The following ELN variants were observed in gnomAD, a reference collection of about 807,000 sequenced individuals.
ELN encodes elastin.
Under a neutral mutation model 105.8 loss-of-function variants are expected in ELN, and 65 were observed. That is an observed-to-expected ratio of 0.61 (90% CI 0.50 to 0.75). The LOEUF (loss-of-function observed/expected upper bound fraction) is 0.75, where lower values mean the gene tolerates loss of function less well. Among genes scored for constraint, ELN ranks in the 30% least tolerant of loss-of-function variants. The pLI, the probability that ELN is intolerant of heterozygous loss-of-function variation, is 0.00. For missense variants in ELN, 882 were observed against 969.4 expected (o/e 0.91, Z 1.20); for synonymous variants, 368 against 389.2 (o/e 0.95, Z 0.64).
chr7:74,056,978 C>T (rs1460693261), intron 21 of ELN, among the ~76,000 whole-genome samples: 1 of 152,096 alleles, frequency 6.6e-6, no homozygotes, highest in African/African-American at 2.4e-5. Flanking sequence ...TGGCTGATGC[C>T]TGTAATCCCA....
intron 22 of ELN, 82 bp from the exon 23 acceptor site, chr7:74,059,804 C>T (rs993292032): frequency 4.9e-6 from 4 of 820,306 alleles, no homozygotes; most frequent in African/African-American, 1.7e-5. Context: ...ATGCCAGGGC[C>T]GAGGCTCCAG....
chr7:74,061,693 G>C (rs782253297), intron 26 of ELN, among the ~76,000 whole-genome samples: 3 of 152,040 alleles, frequency 2.0e-5, no homozygotes, highest in Non-Finnish European at 2.9e-5. Flanking sequence ...CAGTTTCTAG[G>C]ACACGTTTAT....
chr7:74,056,234 T>C (rs782536960), intron 19 of ELN, 37 bp from the exon 20 acceptor site: 5 of 1,610,970 alleles, frequency 3.1e-6, no homozygotes, highest in Non-Finnish European at 4.2e-6. Context: ...CCTCTCTCAC[T>C]GAGCTTCTTT....
chr7:74,036,882 G>A (rs1389251360), intron 3 of ELN, among the ~76,000 whole-genome samples: 6 of 152,102 alleles, frequency 3.9e-5, no homozygotes, highest in Non-Finnish European at 7.4e-5. Flanking sequence ...GTGCAGTGGC[G>A]TGATCTCAGC....
chr7:74,049,354 CCATCCATCCACG>C (rs1490165745), intron 15 of ELN, among the ~76,000 whole-genome samples: 1 of 151,458 alleles, frequency 6.6e-6, no homozygotes, highest in Non-Finnish European at 1.5e-5. Flanking sequence ...ATTCTTCCAT[CCATCCATCCACG>C]CATCCATCCA....
chr7:74,036,606 G>A (rs782331687), intron 3 of ELN, 22 bp downstream of exon 3: 25 of 1,614,098 alleles, frequency 1.5e-5, no homozygotes, highest in Non-Finnish European at 2.0e-5. Flanking sequence ...AACCACACTT[G>A]TTCATCACTG....
Position 74,061,116 on chromosome 7 carries a change from C to T in ELN, c.1763C>T (p.Ala588Val). ...PGFGAVPGAL[A>V]AAKAAKYGAA... ...TTCTCCCCAGTACCTGGAGCCCTGG[C>T]TGCCGCTAAAGCAGCCAAATATGGT... Residue 588 changes from alanine to valine, a missense_variant, in exon 26 of 33, where the codon GCT becomes GTT. Coordinates refer to ENST00000252034, the MANE Select transcript of ELN (RefSeq NM_000501.4). The T allele has an allele frequency of 6.2e-7, 1 of 1,614,132 alleles. No homozygotes were observed.
At chr7:74,028,466 G>C (rs1787931528) in intron 1 of ELN, among the ~76,000 whole-genome samples, 197 bp downstream of exon 1, 1 of 152,216 alleles carries the variant, frequency 6.6e-6, no homozygotes, top group African/African-American at 2.4e-5. Context: ...CTGTCAAAGA[G>C]ACACCCTCGA....
chr7:74,062,196 G>T (rs1273129771), intron 26 of ELN: 1 of 152,384 alleles, frequency 6.6e-6, no homozygotes, highest in Non-Finnish European at 1.5e-5. Context: ...GGTCCACTTG[G>T]GGCCAGTTTC....
chr7:74,060,557 C>T lies in ELN; in HGVS notation c.1747+56C>T, dbSNP rs782702846. On this transcript the variant is annotated intron_variant, in intron 25 of 32. Transcript: ENST00000252034. ...CCCCTGAGCTCAGGGAAGGAGATCC[C>T]TCCTCCTCTCAGCACCTCCCCAGCA... 1.9e-6 allele frequency: 3 copies of T among 1,613,494 alleles called. No homozygotes were observed. The highest frequency in any genetic ancestry group is 1.7e-6 in the Non-Finnish European group (2 of 1,179,710).
chr7:74,047,629 A>G (rs1457184091), intron 12 of ELN, 46 bp from the exon 13 acceptor site: 1 of 1,613,970 alleles, frequency 6.2e-7, no homozygotes, highest in Non-Finnish European at 8.5e-7. Flanking sequence ...GTGGGAGCCC[A>G]GCAAGGCATG....
chr7:74,052,869 G>T, intron 17 of ELN: 1 of 443,482 alleles, frequency 2.3e-6, no homozygotes, highest in Non-Finnish European at 4.1e-6. Context: ...GAGAAAGAAA[G>T]AAAGAGAGAG....
intron 3 of ELN, among the ~76,000 whole-genome samples, chr7:74,037,270 T>G (rs1007083828): frequency 6.6e-4 from 101 of 151,966 alleles, no homozygotes; most frequent in Admixed American, 6.6e-3. Flanking sequence ...CTCAGCTCAC[T>G]GTAACCTCCA....
chr7:74,044,938 C>T (rs1268473230), intron 9 of ELN, among the ~76,000 whole-genome samples: 2 of 152,154 alleles, frequency 1.3e-5, no homozygotes, highest in Non-Finnish European at 2.9e-5. Flanking sequence ...GGAGGGTGGT[C>T]GAGACGGCTT....
At chr7:74,051,362 G>T (rs781923597) in intron 15 of ELN, among the ~76,000 whole-genome samples, 3 of 152,224 alleles carry the variant, frequency 2.0e-5, no homozygotes, top group Non-Finnish European at 2.9e-5. Flanking sequence ...GTGAGGGGCT[G>T]CCAGAGCCAA....
intron 3 of ELN, 148 bp downstream of exon 3, chr7:74,036,732 T>C: frequency 8.7e-7 from 1 of 1,151,058 alleles, no homozygotes; most frequent in African/African-American, 1.5e-5. Flanking sequence ...GGGAGGAGGC[T>C]TCTTTGAGAA....
At chr7:74,048,007 A>G in intron 13 of ELN, 135 bp from the exon 14 acceptor site, 2 of 1,107,054 alleles carry the variant, frequency 1.8e-6, no homozygotes, top group Non-Finnish European at 1.4e-6. Flanking sequence ...ATGTGTTTGT[A>G]TTTGTTTTCA....
chr7:74,060,327 A>G, intron 24 of ELN, 49 bp from the exon 25 acceptor site: 1 of 1,614,012 alleles, frequency 6.2e-7, no homozygotes, highest in Non-Finnish European at 8.5e-7. Flanking sequence ...ACACCTCCTT[A>G]GGGGCATGCT....
At chr7:74,055,455 G>GA (rs1795025293) in intron 19 of ELN, among the ~76,000 whole-genome samples, 1 of 151,610 alleles carries the variant, frequency 6.6e-6, no homozygotes, top group South Asian at 2.1e-4. Context: ...AAAAATAAAT[G>GA]AAAAATTTTA....
Sources: allele counts gnomAD v4.1 joint callset (sites outside exome capture counted in the v4.1 genomes callset), GRCh38; gene constraint gnomAD v4.1.1; transcripts MANE v1.5; gene names NCBI Gene and HGNC (gene_info 2026-07-23, HGNC 2026-07-21).